The following ALDH7A1 variants were observed in gnomAD, a reference collection of about 807,000 sequenced individuals.
ALDH7A1 encodes alpha-aminoadipic semialdehyde dehydrogenase.
A neutral mutation model predicts 79.9 loss-of-function variants in ALDH7A1; 63 were observed. That is an observed-to-expected ratio of 0.79 (90% CI 0.64 to 0.97). The LOEUF (loss-of-function observed/expected upper bound fraction) is 0.97. Ranked by LOEUF, ALDH7A1 falls within the 50% of genes least tolerant of loss-of-function variation. The pLI, the probability that ALDH7A1 is intolerant of heterozygous loss-of-function variation, is 0.00. For synonymous variants in ALDH7A1, 240 were observed against 231.2 expected, an observed-to-expected ratio of 1.04 and a Z score of -0.34; for missense variants, 627 against 665.2, an observed-to-expected ratio of 0.94 and a Z score of 0.63.
Position 126,542,722 on chromosome 5 carries a change from C to T in ALDH7A1, c.*2243G>A, listed in dbSNP as rs1350080558. ...AGAGGAGGCTTAACAGATTCCCACC[C>T]TGAAAGAGAAAGTAGGAAGCAGAGT... On this transcript the variant is annotated 3_prime_UTR_variant, in exon 18 of 18. Transcript: ENST00000409134. 6.6e-6 allele frequency: 1 copy of T among 152,176 alleles called. No individual in the cohort carries two copies. Among genetic ancestry groups the T allele is most frequent in the Admixed American group, 6.6e-5 (1 of 15,266 alleles). 9.4% of individuals were successfully genotyped at this position (152,176 alleles called of 1,614,324 possible).
chr5:126,579,621 C>A lies in ALDH7A1; in HGVS notation c.518-2410G>T, dbSNP rs374710762. Among the ~76,000 whole-genome samples the A allele has an allele frequency of 2.0e-5, 3 of 151,278 alleles. No homozygotes were observed. In the East Asian group the frequency reaches 5.8e-4, roughly 29 times the overall value. On this transcript the variant is annotated intron_variant, in intron 5 of 17. Coordinates refer to ENST00000409134, the MANE Select transcript of ALDH7A1 (RefSeq NM_001182.5). ...ATTGAATTAATAAAGCCAAAGTTACCCCAAAGTCTCTACATAAATGAGTAA... is the reference window on the plus strand; with the variant it reads ...ATTGAATTAATAAAGCCAAAGTTACACCAAAGTCTCTACATAAATGAGTAA...
chr5:126,557,727 C>G (rs1750247964), intron 11 of ALDH7A1, among the ~76,000 whole-genome samples: 1 of 152,014 alleles, frequency 6.6e-6, no homozygotes, highest in Non-Finnish European at 1.5e-5. Flanking sequence ...AGAGCAAAAA[C>G]CCAAAGCCAA....
chr5:126,574,988 G>A (rs887233970), intron 7 of ALDH7A1, among the ~76,000 whole-genome samples: 3 of 152,132 alleles, frequency 2.0e-5, no homozygotes, highest in Admixed American at 1.3e-4. Flanking sequence ...ATACATTTTA[G>A]TGTTAGATGA....
chr5:126,568,394 GA>G (rs1268226961), intron 8 of ALDH7A1, 38 bp from the exon 9 acceptor site: 1 of 1,554,372 alleles, frequency 6.4e-7, no homozygotes, highest in Admixed American at 1.7e-5. Context: ...CCCAAGCAGA[GA>G]AACCCAGCAA....
chr5:126,555,975 A>T lies in ALDH7A1; in HGVS notation c.1049T>A (p.Leu350His). The T allele has an allele frequency of 6.2e-7, 1 of 1,613,716 alleles. No individual in the cohort carries two copies. Among genetic ancestry groups the T allele is most frequent in the Non-Finnish European group, 8.5e-7 (1 of 1,179,738 alleles). The change falls in exon 12 of 18, where the codon CTT (leucine) becomes CAT (histidine). Residue 350 changes from leucine to histidine, a missense_variant. Physicochemically the swap from Leu to His is moderately conservative, Grantham distance 99 (BLOSUM62 -3). Coordinates refer to ENST00000409134, the MANE Select transcript of ALDH7A1 (RefSeq NM_001182.5). ...ESIHDEVVNR[L>H]KKAYAQIRVG... ...TCGGATCTGTGCATAGGCCTTTTTA[A>T]GTCTGTTTACAACCTCATCATGGAT...
At chr5:126,547,579 A>G (rs1749832272) in intron 16 of ALDH7A1, among the ~76,000 whole-genome samples, 1 of 152,164 alleles carries the variant, frequency 6.6e-6, no homozygotes, top group African/African-American at 2.4e-5. Context: ...TGAAAAGAAC[A>G]GCTTCTTCTA....
chr5:126,561,363 A>C (rs1750397372), intron 9 of ALDH7A1: 3 of 295,722 alleles, frequency 1.0e-5, no homozygotes. Context: ...GATTTTAGTA[A>C]CTACTGTGGT....
At chr5:126,570,510 G>T (rs1750735686) in intron 8 of ALDH7A1, 1 of 399,350 alleles carries the variant, frequency 2.5e-6, no homozygotes. Context: ...GGAAGTCACA[G>T]GCTGCCCCCC....
intron 16 of ALDH7A1, among the ~76,000 whole-genome samples, chr5:126,547,078 A>T (rs898635511): frequency 1.3e-5 from 2 of 152,176 alleles, no homozygotes; most frequent in Non-Finnish European, 2.9e-5. Context: ...AATAAAACAA[A>T]CCACAGCTAA....
At chr5:126,565,137 G>A (rs1384816126) in intron 9 of ALDH7A1, among the ~76,000 whole-genome samples, 1 of 152,166 alleles carries the variant, frequency 6.6e-6, no homozygotes, top group Non-Finnish European at 1.5e-5. Flanking sequence ...GCTTATGCCT[G>A]TAATCCCAGC....
intron 9 of ALDH7A1, among the ~76,000 whole-genome samples, chr5:126,565,495 A>G: frequency 6.7e-6 from 1 of 149,134 alleles, no homozygotes; most frequent in East Asian, 2.0e-4. Flanking sequence ...AGAGTTCTTT[A>G]TATATTCTAC....
At chr5:126,563,702 G>A (rs1750476664) in intron 9 of ALDH7A1, among the ~76,000 whole-genome samples, 1 of 152,148 alleles carries the variant, frequency 6.6e-6, no homozygotes, top group South Asian at 2.1e-4. Flanking sequence ...TATTGGCCAG[G>A]CTGGTCTTGA....
At chr5:126,571,887 C>T (rs534551909) in intron 7 of ALDH7A1, among the ~76,000 whole-genome samples, 41 of 152,256 alleles carry the variant, frequency 2.7e-4, no homozygotes, top group Admixed American at 4.6e-4. Flanking sequence ...CCCTGCAGAA[C>T]CCTGAAAGAG....
Position 126,568,260 on chromosome 5 carries a change from A to G in ALDH7A1, c.870T>C (p.Phe290=). 1.2e-6 allele frequency: 2 copies of G among 1,614,070 alleles called. No homozygotes were observed. The highest frequency in any genetic ancestry group is 1.7e-6 in the Non-Finnish European group (2 of 1,179,952). The part of the protein sequence containing the change: ...KQVGLMVQER[F]GRSLLELGGN... ...CCTCATTAGAAAGCCAACACTTACC[A>G]AACCTCTCCTGCACCATCAGGCCCA... Residue 290 remains phenylalanine (F), a splice_region_variant and synonymous_variant, in exon 9 of 18, where the codon TTT becomes TTC. Transcript: ENST00000409134.
At chr5:126,565,483 TA>T (rs1750550885) in intron 9 of ALDH7A1, among the ~76,000 whole-genome samples, 2 of 151,936 alleles carry the variant, frequency 1.3e-5, no homozygotes, top group African/African-American at 4.8e-5. Flanking sequence ...TCTTACATTT[TA>T]AGAGTTCTTT....
intron 3 of ALDH7A1, chr5:126,586,398 C>G (rs1751360406): frequency 6.6e-6 from 1 of 152,170 alleles, no homozygotes; most frequent in Non-Finnish European, 1.5e-5. Flanking sequence ...GTATACATGG[C>G]CTTTTACCTC....
At chr5:126,556,835 T>C (rs1047986043) in intron 11 of ALDH7A1, among the ~76,000 whole-genome samples, 2 of 152,178 alleles carry the variant, frequency 1.3e-5, no homozygotes, top group Non-Finnish European at 2.9e-5. Flanking sequence ...CCATCTATGC[T>C]CTGGGTTAGT....
chr5:126,573,816 G>A lies in ALDH7A1; in HGVS notation c.695+1604C>T, dbSNP rs371711710. Among the ~76,000 whole-genome samples, 45 of 150,460 alleles carry A rather than the reference G, an allele frequency of 3.0e-4. 2 individuals are homozygous for A. In the South Asian group the frequency reaches 9.3e-3, roughly 31 times the overall value. On this transcript the variant is annotated intron_variant, in intron 7 of 17. Coordinates refer to ENST00000409134, the MANE Select transcript of ALDH7A1 (RefSeq NM_001182.5). Reference sequence around the variant, plus strand: ...TGGGAGGCAGAGGTTGGAGTGAGCCGAGATTGTGCCACTGCCCTCCAGCCT... The same window carrying A: ...TGGGAGGCAGAGGTTGGAGTGAGCCAAGATTGTGCCACTGCCCTCCAGCCT...
At chr5:126,568,870 G>GAT in intron 8 of ALDH7A1, 1 of 167,924 alleles carries the variant, frequency 6.0e-6, no homozygotes, top group Non-Finnish European at 1.3e-5. Flanking sequence ...AGTGAGCTGA[G>GAT]GTCAAGCCAC....
Sources: gnomAD v4.1 joint callset for allele counts (sites outside exome capture counted in the v4.1 genomes callset) on GRCh38, gnomAD v4.1.1 for gene constraint, MANE v1.5 for transcripts, NCBI Gene and HGNC (gene_info 2026-07-23, HGNC 2026-07-21) for gene names.